Variants in VAT1L observed in about 807,000 individuals in gnomAD.
The protein encoded by VAT1L is putative NADPH-dependent quinone oxidoreductase VAT1L.
Under a neutral mutation model 44.1 loss-of-function variants are expected in VAT1L, and 34 were observed. The observed-to-expected ratio is 0.77, with a 90% CI of 0.59 to 1.03. The LOEUF (loss-of-function observed/expected upper bound fraction) is 1.03. Ranked by LOEUF, VAT1L falls within the 50% of genes least tolerant of loss-of-function variation. The pLI is 0.00. For missense variants in VAT1L, 615 were observed against 538.8 expected, an observed-to-expected ratio of 1.14 and a Z score of -1.40; for synonymous variants, 253 against 202.2, an observed-to-expected ratio of 1.25 and a Z score of -2.13.
intron 7 of VAT1L, among the ~76,000 whole-genome samples, chr16:77,940,035 A>G (rs1841968068): frequency 6.6e-6 from 1 of 152,184 alleles, no homozygotes; most frequent in African/African-American, 2.4e-5. Flanking sequence ...TTCCACAGAA[A>G]TTTTCCAAGG....
intron 7 of VAT1L, among the ~76,000 whole-genome samples, chr16:77,912,898 G>A (rs1367889303): frequency 2.0e-5 from 3 of 152,188 alleles, no homozygotes; most frequent in Admixed American, 2.0e-4. Flanking sequence ...ATATGGCAGA[G>A]ACAGGAAGTT....
chr16:77,874,957 A>C (rs28709247), intron 4 of VAT1L, among the ~76,000 whole-genome samples: 6,866 of 152,214 alleles, frequency 0.045, 539 homozygotes, highest in African/African-American at 0.16. Context: ...AAACGTTAGA[A>C]ATGCAAATCC....
At chr16:77,955,729 C>CCCAA (rs375265679) in intron 7 of VAT1L, among the ~76,000 whole-genome samples, 1 of 137,946 alleles carries the variant, frequency 7.2e-6, no homozygotes, top group Non-Finnish European at 1.5e-5. Flanking sequence ...TCCCCCCCCC[C>CCCAA]AAAAAAAAAA....
intron 7 of VAT1L, among the ~76,000 whole-genome samples, chr16:77,921,585 G>GT (rs1168770388): frequency 6.6e-6 from 1 of 152,032 alleles, no homozygotes; most frequent in Non-Finnish European, 1.5e-5. Context: ...AGGACCTTTC[G>GT]TATCTATTTT....
At chr16:77,894,916 G>A (rs1418702845) in intron 7 of VAT1L, among the ~76,000 whole-genome samples, 1 of 151,994 alleles carries the variant, frequency 6.6e-6, no homozygotes, top group Non-Finnish European at 1.5e-5. Flanking sequence ...TAGCTGTGTG[G>A]CCTCAGAAAA....
intron 7 of VAT1L, among the ~76,000 whole-genome samples, chr16:77,967,845 G>A (rs1269742995): frequency 6.6e-6 from 1 of 152,170 alleles, no homozygotes; most frequent in Non-Finnish European, 1.5e-5. Flanking sequence ...TATGACGTGA[G>A]ACACTACCTA....
intron 2 of VAT1L, among the ~76,000 whole-genome samples, chr16:77,818,367 A>G (rs12919268): frequency 0.2 from 30,589 of 151,878 alleles, 3,954 homozygotes; most frequent in East Asian, 0.3. Flanking sequence ...CAGCAGATAA[A>G]TGTTGAGAAA....
chr16:77,972,844 T>A (rs184625707), intron 8 of VAT1L, among the ~76,000 whole-genome samples: 1 of 150,148 alleles, frequency 6.7e-6, no homozygotes. Context: ...AAAATATAAT[T>A]TAAAATATTA....
At chr16:77,953,332 A>G (rs1377932651) in intron 7 of VAT1L, among the ~76,000 whole-genome samples, 4 of 152,174 alleles carry the variant, frequency 2.6e-5, no homozygotes, top group Admixed American at 2.6e-4. Context: ...AAACTAATAT[A>G]CTACCCAAAC....
intron 6 of VAT1L, among the ~76,000 whole-genome samples, chr16:77,882,646 T>G (rs2017167158): frequency 1.3e-5 from 2 of 152,248 alleles, no homozygotes; most frequent in African/African-American, 4.8e-5. Context: ...AACTAGGCAT[T>G]CAGCTCTATA....
Position 77,978,440 on chromosome 16 carries a change from C to T in VAT1L, c.*745C>T, listed in dbSNP as rs547667276. The T allele has an allele frequency of 6.6e-6, 1 of 152,174 alleles. No homozygotes were observed. The highest frequency in any genetic ancestry group is 2.4e-5 in the African/African-American group (1 of 41,418). The allele number at this position is 152,174 out of a possible 1,614,324, so 9.4% of individuals were successfully genotyped here. A position where few individuals can be genotyped will look rare whatever the true frequency, so the allele number is the denominator to read the frequency against. On this transcript the variant is annotated 3_prime_UTR_variant, in exon 9 of 9. Coordinates refer to ENST00000302536, the MANE Select transcript of VAT1L (RefSeq NM_020927.3). ...TCTCATGGGCAGGATTCTTCCTGCT[C>T]CATATCTGTTTCAATTTTAAGAAAG...
At chr16:77,875,256 C>A (rs1350322925) in intron 4 of VAT1L, among the ~76,000 whole-genome samples, 1 of 152,204 alleles carries the variant, frequency 6.6e-6, no homozygotes, top group African/African-American at 2.4e-5. Context: ...CATAGGGAAG[C>A]TGACTTAGTC....
chr16:77,852,496 A>G (rs983650807), intron 3 of VAT1L, among the ~76,000 whole-genome samples: 2 of 152,192 alleles, frequency 1.3e-5, no homozygotes, highest in Non-Finnish European at 2.9e-5. Context: ...AGGCTTAGCA[A>G]TAAGGCCCCT....
chr16:77,968,607 C>T (rs1407303775), intron 7 of VAT1L, among the ~76,000 whole-genome samples: 1 of 151,508 alleles, frequency 6.6e-6, no homozygotes, highest in Admixed American at 6.6e-5. Context: ...CGCCTGTAGT[C>T]CCAGCTACTC....
At chr16:77,920,781 G>A (rs1297328456) in intron 7 of VAT1L, among the ~76,000 whole-genome samples, 1 of 152,120 alleles carries the variant, frequency 6.6e-6, no homozygotes, top group Admixed American at 6.6e-5. Context: ...TAGTCTAGGA[G>A]CAATAAACTG....
intron 7 of VAT1L, among the ~76,000 whole-genome samples, chr16:77,938,618 G>A (rs1256824922): frequency 6.6e-6 from 1 of 152,032 alleles, no homozygotes; most frequent in Admixed American, 6.6e-5. Context: ...ATGTAAAGAC[G>A]TGCCTGCTTC....
intron 7 of VAT1L, among the ~76,000 whole-genome samples, chr16:77,896,126 C>A (rs1296122103): frequency 6.6e-6 from 1 of 152,212 alleles, no homozygotes; most frequent in African/African-American, 2.4e-5. Flanking sequence ...GGAATATACC[C>A]ATCCCTCTGG....
chr16:77,952,855 T>TAAAAAAAAAAAA (rs61033802), intron 7 of VAT1L, among the ~76,000 whole-genome samples: 4 of 92,206 alleles, frequency 4.3e-5, no homozygotes, highest in Admixed American at 1.4e-4. Context: ...AGACTCCATT[T>TAAAAAAAAAAAA]AAAAAAAAAA....
chr16:77,960,908 G>C (rs2018153558), intron 7 of VAT1L, among the ~76,000 whole-genome samples: 1 of 152,038 alleles, frequency 6.6e-6, no homozygotes, highest in Non-Finnish European at 1.5e-5. Context: ...TTTTCCCCAT[G>C]GGTCACGCGC....
Sources: allele counts gnomAD v4.1 joint callset (sites outside exome capture counted in the v4.1 genomes callset), GRCh38; gene constraint gnomAD v4.1.1; transcripts MANE v1.5; gene names NCBI Gene and HGNC (gene_info 2026-07-23, HGNC 2026-07-21).